The following SLIT2 variants were observed in gnomAD, a reference collection of about 807,000 sequenced individuals.
SLIT2 encodes the protein slit homolog 2 protein.
A neutral mutation model predicts 185.7 loss-of-function variants in SLIT2; 41 were observed. The ratio of observed to expected loss-of-function variants is 0.22; its 90% CI spans 0.17 to 0.29. The LOEUF is 0.29. SLIT2 is among the 10% of genes least tolerant of loss of function. SLIT2 has a pLI of 1.00. For missense variants in SLIT2, 1,571 were observed against 1,909.0 expected (o/e 0.82, Z 3.30); for synonymous variants, 693 against 680.2 (o/e 1.02, Z -0.29).
At chr4:20,300,160 A>G (rs888897549) in intron 4 of SLIT2, among the ~76,000 whole-genome samples, 17 of 151,972 alleles carry the variant, frequency 1.1e-4, no homozygotes, top group South Asian at 1.0e-3. Context: ...AAATCACATG[A>G]CTCTATTATA....
intron 26 of SLIT2, chr4:20,554,355 G>C (rs537049888): frequency 4.3e-6 from 2 of 459,982 alleles, no homozygotes; most frequent in Admixed American, 2.3e-5. Flanking sequence ...GGAGAAACAG[G>C]CCCTCCCCAG....
intron 11 of SLIT2, among the ~76,000 whole-genome samples, chr4:20,513,736 T>TGTG (rs1553915739): frequency 6.6e-6 from 1 of 151,804 alleles, no homozygotes; most frequent in African/African-American, 2.4e-5. Context: ...TAGCTGTGGT[T>TGTG]GGCGGGGGGA....
chr4:20,507,811 G>A (rs182835258), intron 9 of SLIT2, among the ~76,000 whole-genome samples: 176 of 151,838 alleles, frequency 1.2e-3, no homozygotes, highest in South Asian at 2.3e-3. Context: ...TCTCATCATA[G>A]CACTACGTTA....
At chr4:20,516,550 C>A (rs1720237326) in intron 11 of SLIT2, among the ~76,000 whole-genome samples, 2 of 152,134 alleles carry the variant, frequency 1.3e-5, no homozygotes, top group East Asian at 3.9e-4. Context: ...CAGTGTAGGA[C>A]AAATTCTCAC....
intron 33 of SLIT2, 139 bp downstream of exon 33, chr4:20,598,534 C>A: frequency 1.1e-6 from 1 of 905,870 alleles, no homozygotes; most frequent in Non-Finnish European, 1.7e-6. Context: ...TAGTGAAAAA[C>A]CTGGCAGGAA....
At chr4:20,485,606 A>G (rs1717145887) in intron 6 of SLIT2, among the ~76,000 whole-genome samples, 2 of 152,180 alleles carry the variant, frequency 1.3e-5, no homozygotes, top group African/African-American at 4.8e-5. Flanking sequence ...ATCTTTTAAC[A>G]CGGTGCTACA....
chr4:20,251,991 AAAG>A lies in SLIT2; in HGVS notation c.-1821_-1819del, dbSNP rs1212460414. Among the ~76,000 whole-genome samples, 4 of 151,516 alleles carry A rather than the reference AAAG, an allele frequency of 2.6e-5. No individual in the cohort carries two copies. Among genetic ancestry groups the A allele is most frequent in the South Asian group, 2.1e-4 (1 of 4,800 alleles). ...GGCTGCCGCAGACTGTGGTTAAAAAAAAGAAGGCGGCGGCGGCGGCGGCGGCGG... is the reference window on the plus strand; with the variant it reads ...GGCTGCCGCAGACTGTGGTTAAAAAAAAGGCGGCGGCGGCGGCGGCGGCGG... On this transcript the variant is annotated 5_prime_UTR_variant, in exon 1 of 37. Coordinates refer to ENST00000504154, the MANE Select transcript of SLIT2 (RefSeq NM_004787.4).
At chr4:20,418,432 A>C (rs1727878945) in intron 4 of SLIT2, among the ~76,000 whole-genome samples, 2 of 152,242 alleles carry the variant, frequency 1.3e-5, no homozygotes, top group African/African-American at 4.8e-5. Flanking sequence ...AGCTGAAAGA[A>C]ACACCAGTAA....
chr4:20,355,123 T>C (rs967277429), intron 4 of SLIT2, among the ~76,000 whole-genome samples: 2 of 152,362 alleles, frequency 1.3e-5, no homozygotes, highest in East Asian at 3.9e-4. Flanking sequence ...GAATTTTAAT[T>C]ATATCCACTG....
intron 12 of SLIT2, among the ~76,000 whole-genome samples, chr4:20,522,896 G>T (rs1349336817): frequency 2.6e-5 from 4 of 152,076 alleles, no homozygotes; most frequent in Non-Finnish European, 5.9e-5. Context: ...TTACTGTGGG[G>T]GTAGGGAGGC....
chr4:20,441,348 T>C (rs1729722701), intron 4 of SLIT2, among the ~76,000 whole-genome samples: 1 of 152,118 alleles, frequency 6.6e-6, no homozygotes, highest in African/African-American at 2.4e-5. Context: ...AAATTTTCAA[T>C]CTCCTACTTA....
rs1229638850 is a variant in SLIT2, at chr4:20,252,058, C to G, written c.-1758C>G. 6.6e-6 allele frequency among the ~76,000 whole-genome samples: 1 copy of G among 152,122 alleles called. No homozygotes were observed. Among genetic ancestry groups the G allele is most frequent in the African/African-American group, 2.4e-5 (1 of 41,446 alleles). ...TGCGAGGCATGGGAGCGCCGAAGCGCCCAGGCGCAGGCCGAAGCTGCCGCG... is the reference window on the plus strand; with the variant it reads ...TGCGAGGCATGGGAGCGCCGAAGCGGCCAGGCGCAGGCCGAAGCTGCCGCG... On this transcript the variant is annotated 5_prime_UTR_variant, in exon 1 of 37. Transcript: ENST00000504154.
At chr4:20,347,914 C>A (rs1311595961) in intron 4 of SLIT2, among the ~76,000 whole-genome samples, 1 of 152,064 alleles carries the variant, frequency 6.6e-6, no homozygotes, top group African/African-American at 2.4e-5. Flanking sequence ...ACTAGAAAGC[C>A]ATGGAAGGAT....
intron 4 of SLIT2, among the ~76,000 whole-genome samples, chr4:20,425,264 T>C (rs1039044079): frequency 1.3e-5 from 2 of 152,194 alleles, no homozygotes; most frequent in Non-Finnish European, 2.9e-5. Context: ...GTTGTATTTT[T>C]GCAGAGTTAT....
chr4:20,260,754 AT>A (rs1439805474), intron 3 of SLIT2, among the ~76,000 whole-genome samples: 1 of 151,874 alleles, frequency 6.6e-6, no homozygotes, highest in Non-Finnish European at 1.5e-5. Flanking sequence ...TTATTTGCAA[AT>A]CAAAACATTA....
chr4:20,381,258 T>TA (rs201302554), intron 4 of SLIT2, among the ~76,000 whole-genome samples: 13,708 of 149,210 alleles, frequency 0.092, 701 homozygotes, highest in Non-Finnish European at 0.11. Flanking sequence ...TCTCAAAAAA[T>TA]AAAAAAAAAC....
chr4:20,553,923 G>C lies in SLIT2; in HGVS notation c.2680G>C (p.Asp894His), dbSNP rs1472567129. Residue 894 changes from aspartate to histidine, a missense_variant, in exon 26 of 37, where the codon GAT (aspartate) becomes CAT (histidine). Physicochemically the swap from Asp to His is moderately conservative, Grantham distance 81. Around this residue, in one of 3 missense-constraint regions of SLIT2, gnomAD observed 1,202 missense variants for 1,416.4 expected, o/e 0.85. Coordinates refer to ENST00000504154, the MANE Select transcript of SLIT2 (RefSeq NM_004787.4). Reference sequence around the variant, plus strand: ...TTGTGCTGGTCCTGGAGAAATGGCAGATAAACTTTTACTCACAACTCCCTC... The same window carrying C: ...TTGTGCTGGTCCTGGAGAAATGGCACATAAACTTTTACTCACAACTCCCTC... ...ARCAGPGEMADKLLLTTPSKK... is the reference protein window; with the variant it reads ...ARCAGPGEMAHKLLLTTPSKK... 1 of 1,610,362 alleles carries C rather than the reference G, an allele frequency of 6.2e-7. No individual in the cohort carries two copies. Among genetic ancestry groups the C allele is most frequent in the South Asian group, 1.1e-5 (1 of 90,188 alleles).
At chr4:20,280,354 A>G (rs1246420908) in intron 4 of SLIT2, among the ~76,000 whole-genome samples, 4 of 149,382 alleles carry the variant, frequency 2.7e-5, no homozygotes. Context: ...AAAAAAAAGA[A>G]CAACAACAAA....
chr4:20,457,545 A>G (rs1241429207), intron 4 of SLIT2, among the ~76,000 whole-genome samples: 1 of 152,020 alleles, frequency 6.6e-6, no homozygotes. Flanking sequence ...GTCTTTTTTG[A>G]TGATCATCTG....
Sources: gnomAD v4.1 joint callset for allele counts (sites outside exome capture counted in the v4.1 genomes callset) on GRCh38, gnomAD v4.1.1 for gene constraint, gnomAD v4.1.1 regional missense constraint, MANE v1.5 for transcripts, NCBI Gene and HGNC (gene_info 2026-07-23, HGNC 2026-07-21) for gene names.